Variants in MDGA2 observed in about 807,000 individuals in gnomAD.
The protein encoded by MDGA2 is MAM domain containing glycosylphosphatidylinositol anchor 2.
Under a neutral mutation model 117.8 loss-of-function variants are expected in MDGA2, and 40 were observed. The ratio of observed to expected loss-of-function variants is 0.34; its 90% CI spans 0.26 to 0.44. The LOEUF (loss-of-function observed/expected upper bound fraction) is 0.44. Ranked by LOEUF, MDGA2 falls within the 20% of genes least tolerant of loss-of-function variation. MDGA2 has a pLI of 1.00. For synonymous variants in MDGA2, 452 were observed against 439.0 expected, an observed-to-expected ratio of 1.03 and a Z score of -0.37; for missense variants, 1,123 against 1,250.6, an observed-to-expected ratio of 0.90 and a Z score of 1.54.
At chr14:47,541,362 C>T (rs1895348662) in intron 1 of MDGA2, among the ~76,000 whole-genome samples, 1 of 152,108 alleles carries the variant, frequency 6.6e-6, no homozygotes, top group South Asian at 2.1e-4. Context: ...GAAATATGTC[C>T]AGAGGCAGAA....
intron 2 of MDGA2, among the ~76,000 whole-genome samples, chr14:47,276,186 T>C (rs1888306816): frequency 6.6e-6 from 1 of 152,136 alleles, no homozygotes; most frequent in Non-Finnish European, 1.5e-5. Flanking sequence ...TAATCAGGCA[T>C]TGGTTTAAAA....
chr14:47,236,389 A>C (rs1886865525), intron 2 of MDGA2, among the ~76,000 whole-genome samples: 1 of 151,976 alleles, frequency 6.6e-6, no homozygotes, highest in Admixed American at 6.6e-5. Flanking sequence ...ACTTAAGCCT[A>C]GTAGGAAATG....
intron 3 of MDGA2, among the ~76,000 whole-genome samples, chr14:47,153,219 G>A (rs916260599): frequency 6.6e-6 from 1 of 152,194 alleles, no homozygotes; most frequent in Admixed American, 6.5e-5. Context: ...AGAGTGGTAA[G>A]GAGATCAGTA....
chr14:47,284,236 T>C (rs1450777069), intron 2 of MDGA2, among the ~76,000 whole-genome samples: 2 of 152,208 alleles, frequency 1.3e-5, no homozygotes, highest in African/African-American at 2.4e-5. Context: ...GAATTTGGAA[T>C]AGAGACATGC....
At chr14:47,540,829 T>G (rs1233646520) in intron 1 of MDGA2, among the ~76,000 whole-genome samples, 1 of 151,984 alleles carries the variant, frequency 6.6e-6, no homozygotes, top group Non-Finnish European at 1.5e-5. Context: ...CCTCCCAAAG[T>G]GCAAGGATTA....
intron 3 of MDGA2, among the ~76,000 whole-genome samples, chr14:47,178,726 T>C (rs1884579987): frequency 6.6e-6 from 1 of 152,044 alleles, no homozygotes; most frequent in Non-Finnish European, 1.5e-5. Context: ...TCAGAAACAA[T>C]TATGTTATAG....
chr14:47,666,536 C>G lies in MDGA2; in HGVS notation c.280+7981G>C, dbSNP rs186181735. ...GTGGGAATGTGGAGAACTTTTGAGTCTAGCTCAGGGATTTTAAACGCACCA... is the reference window on the plus strand; with the variant it reads ...GTGGGAATGTGGAGAACTTTTGAGTGTAGCTCAGGGATTTTAAACGCACCA... On this transcript the variant is annotated intron_variant, in intron 1 of 16. Transcript: ENST00000399232. Among the ~76,000 whole-genome samples the G allele has an allele frequency of 1.6e-4, 24 of 152,272 alleles. 1 individual carries two copies. The highest frequency in any genetic ancestry group is 5.1e-4 in the African/African-American group (21 of 41,556).
chr14:47,138,094 T>G (rs951300108), intron 4 of MDGA2, among the ~76,000 whole-genome samples: 5 of 152,138 alleles, frequency 3.3e-5, no homozygotes, highest in African/African-American at 1.2e-4. Context: ...CAGCAGAATG[T>G]ATAAGAAAGC....
At chr14:47,378,368 G>C (rs1316669251) in intron 1 of MDGA2, among the ~76,000 whole-genome samples, 2 of 152,202 alleles carry the variant, frequency 1.3e-5, no homozygotes, top group African/African-American at 4.8e-5. Context: ...GAATGAATTT[G>C]ATGAGTTGAG....
intron 14 of MDGA2, among the ~76,000 whole-genome samples, chr14:46,869,593 A>G (rs2933207): frequency 1 from 151,755 of 151,990 alleles, 75,760 homozygotes; most frequent in Middle Eastern, 1. Context: ...AATTGTACCA[A>G]TGTGGCAGAG....
intron 5 of MDGA2, among the ~76,000 whole-genome samples, chr14:47,112,948 G>C (rs1453717912): frequency 6.6e-6 from 1 of 152,108 alleles, no homozygotes; most frequent in Non-Finnish European, 1.5e-5. Flanking sequence ...ACTGGCATGA[G>C]GTGGTATCTC....
intron 1 of MDGA2, among the ~76,000 whole-genome samples, chr14:47,550,422 T>G (rs1275270251): frequency 6.6e-6 from 1 of 152,170 alleles, no homozygotes; most frequent in Non-Finnish European, 1.5e-5. Context: ...TTCACTTATT[T>G]CGGAATCAAC....
At chr14:47,270,840 G>T (rs866331283) in intron 2 of MDGA2, among the ~76,000 whole-genome samples, 3 of 152,096 alleles carry the variant, frequency 2.0e-5, no homozygotes, top group Non-Finnish European at 4.4e-5. Context: ...ATAGAAAGAC[G>T]TAGAAATATA....
rs763890417 is a variant in MDGA2, at chr14:47,061,515, A to G, written c.1259T>C (p.Ile420Thr). 2 of 1,613,308 alleles carry G rather than the reference A, an allele frequency of 1.2e-6. No homozygotes were observed. The highest frequency in any genetic ancestry group is 2.2e-5 in the South Asian group (2 of 91,050). Residue 420 changes from isoleucine (I) to threonine (T), a missense_variant, in exon 7 of 17, where the codon ATT (isoleucine) becomes ACT (threonine). This residue lies in a region of MDGA2 where 890 missense variants were observed against 1,050.3 expected (regional missense o/e 0.85). Transcript: ENST00000399232. ...DPYHKDDNIQ[I>T]GREVKISCQV... ...GCAAGATATTTTCACCTCACGGCCA[A>G]TCTGGATGTTGTCATCTTTGTGATA... is the stretch of plus-strand genomic sequence containing the variant.
intron 8 of MDGA2, among the ~76,000 whole-genome samples, chr14:47,009,263 A>G (rs1887815930): frequency 6.6e-6 from 1 of 152,092 alleles, no homozygotes; most frequent in Non-Finnish European, 1.5e-5. Flanking sequence ...ATAATACATG[A>G]TAGAAATACT....
rs934648917 is a variant in MDGA2, at chr14:46,878,250, A to T, written c.2417-741T>A. ...AAATATTACTAACACAACAACAAAAATATCTCTCATCTAAGGGCCAAATTT... is the reference window on the plus strand; with the variant it reads ...AAATATTACTAACACAACAACAAAATTATCTCTCATCTAAGGGCCAAATTT... On this transcript the variant is annotated intron_variant, in intron 11 of 16. Transcript: ENST00000399232. Among the ~76,000 whole-genome samples, 4 of 152,002 alleles carry T rather than the reference A, an allele frequency of 2.6e-5. No homozygotes were observed. The South Asian group carries it at 6.2e-4, about 24-fold the overall frequency.
intron 8 of MDGA2, among the ~76,000 whole-genome samples, chr14:47,034,185 C>T (rs1888758985): frequency 6.6e-6 from 1 of 152,060 alleles, no homozygotes; most frequent in Admixed American, 6.6e-5. Flanking sequence ...ATTGGGCAGC[C>T]CAGTTACCAG....
chr14:47,198,224 G>A (rs1027466180), intron 3 of MDGA2, among the ~76,000 whole-genome samples: 1 of 152,086 alleles, frequency 6.6e-6, no homozygotes, highest in Non-Finnish European at 1.5e-5. Context: ...TAGATTAAAT[G>A]GTTAGTCTTT....
chr14:46,991,980 GCA>G (rs1887109122), intron 8 of MDGA2, among the ~76,000 whole-genome samples: 1 of 152,056 alleles, frequency 6.6e-6, no homozygotes, highest in Non-Finnish European at 1.5e-5. Flanking sequence ...TCAGAAAATT[GCA>G]CAGTTGTATG....
Sources: gnomAD v4.1 joint callset for allele counts (sites outside exome capture counted in the v4.1 genomes callset) on GRCh38, gnomAD v4.1.1 for gene constraint, gnomAD v4.1.1 regional missense constraint, MANE v1.5 for transcripts, NCBI Gene and HGNC (gene_info 2026-07-23, HGNC 2026-07-21) for gene names.